Variants in CENPW observed in about 807,000 individuals in gnomAD.
CENPW encodes the protein centromere protein W, also known as cancer-up-regulated gene 2 protein.
A neutral mutation model predicts 11.1 loss-of-function variants in CENPW; 3 were observed. That is an observed-to-expected ratio of 0.27 (90% CI 0.12 to 0.70). CENPW has a LOEUF of 0.70. Among genes scored for constraint, CENPW ranks in the 30% least tolerant of loss-of-function variants. The pLI, the probability that CENPW is intolerant of heterozygous loss-of-function variation, is 0.77. For missense variants in CENPW, 100 were observed against 105.6 expected (o/e 0.95, Z 0.23); for synonymous variants, 38 against 42.0 (o/e 0.91, Z 0.37).
At chr6:126,387,176 GT>G in the CENPW span, among the ~76,000 whole-genome samples, 2 of 151,786 alleles carry the variant, frequency 1.3e-5, no homozygotes, top group East Asian at 3.9e-4. Flanking sequence ...CTGAGAACTT[GT>G]CCTAACTCAT....
the CENPW span, among the ~76,000 whole-genome samples, chr6:126,397,088 C>T: frequency 6.6e-6 from 1 of 151,990 alleles, no homozygotes. Flanking sequence ...TCTCCAAGTC[C>T]ACTTGACTCC....
the CENPW span, among the ~76,000 whole-genome samples, chr6:126,386,722 C>T: frequency 6.6e-6 from 1 of 151,830 alleles, no homozygotes; most frequent in Non-Finnish European, 1.5e-5. Flanking sequence ...CCTCCACTGC[C>T]CTACAAGTTA....
At chr6:126,428,974 A>T in the CENPW span, among the ~76,000 whole-genome samples, 4 of 152,102 alleles carry the variant, frequency 2.6e-5, no homozygotes, top group East Asian at 5.8e-4. Context: ...CATTTTTTTC[A>T]GTTAACACAA....
At chr6:126,344,233 T>C (rs1391901153) in intron 1 of CENPW, among the ~76,000 whole-genome samples, 1 of 152,244 alleles carries the variant, frequency 6.6e-6, no homozygotes, top group Non-Finnish European at 1.5e-5. Flanking sequence ...TATGCAGTGA[T>C]AGAAAGTTCA....
At chr6:126,441,131 G>T in the CENPW span, among the ~76,000 whole-genome samples, 3 of 151,516 alleles carry the variant, frequency 2.0e-5, no homozygotes, top group East Asian at 5.9e-4. Context: ...AGCAGTAGTG[G>T]TTATGTAAAT....
At chr6:126,384,814 C>A in the CENPW span, among the ~76,000 whole-genome samples, 1 of 152,000 alleles carries the variant, frequency 6.6e-6, no homozygotes, top group African/African-American at 2.4e-5. Flanking sequence ...AAGAAACTAT[C>A]AATAGAGTAA....
chr6:126,423,541 T>C, the CENPW span, among the ~76,000 whole-genome samples: 1 of 152,116 alleles, frequency 6.6e-6, no homozygotes, highest in South Asian at 2.1e-4. Context: ...CAAAGTTACC[T>C]TTTGTGTCTT....
chr6:126,415,188 C>T, the CENPW span, among the ~76,000 whole-genome samples: 1 of 151,592 alleles, frequency 6.6e-6, no homozygotes, highest in Admixed American at 6.6e-5. Flanking sequence ...GTTGAGTATT[C>T]ATTATGTTCC....
the CENPW span, among the ~76,000 whole-genome samples, chr6:126,456,949 A>G: frequency 3.3e-5 from 5 of 150,632 alleles, no homozygotes; most frequent in Non-Finnish European, 7.5e-5. Flanking sequence ...AAAACATGCT[A>G]TACACCACTA....
At chr6:126,382,865 G>T in the CENPW span, among the ~76,000 whole-genome samples, 15 of 152,254 alleles carry the variant, frequency 9.9e-5, no homozygotes, top group Middle Eastern at 3.4e-3. Flanking sequence ...ATACATTTCA[G>T]GTTATCATCC....
the CENPW span, among the ~76,000 whole-genome samples, chr6:126,409,786 C>T: frequency 5.9e-5 from 9 of 151,900 alleles, no homozygotes; most frequent in South Asian, 1.9e-3. Context: ...TTTTCACTTT[C>T]AATCTATACA....
At chr6:126,342,048 CTGTCTTGAA>C (rs1321013722) in intron 1 of CENPW, among the ~76,000 whole-genome samples, 3 of 152,204 alleles carry the variant, frequency 2.0e-5, no homozygotes, top group African/African-American at 7.2e-5. Flanking sequence ...TTCGCCTTCA[CTGTCTTGAA>C]TGTGGCATGG....
At chr6:126,387,207 G>T in the CENPW span, among the ~76,000 whole-genome samples, 1 of 151,566 alleles carries the variant, frequency 6.6e-6, no homozygotes, top group Non-Finnish European at 1.5e-5. Flanking sequence ...TATTGTTATT[G>T]TTATTATAAT....
At chr6:126,416,431 A>C in the CENPW span, among the ~76,000 whole-genome samples, 1 of 152,310 alleles carries the variant, frequency 6.6e-6, no homozygotes, top group Admixed American at 6.5e-5. Flanking sequence ...TGGCCGCAGA[A>C]ATTTGCGTAA....
chr6:126,408,609 G>A, the CENPW span, among the ~76,000 whole-genome samples: 3 of 151,994 alleles, frequency 2.0e-5, no homozygotes, highest in African/African-American at 4.8e-5. Flanking sequence ...AACTCAAGAT[G>A]GACTGCAGAT....
chr6:126,354,295 C>A, the CENPW span, among the ~76,000 whole-genome samples: 1 of 152,116 alleles, frequency 6.6e-6, no homozygotes, highest in Non-Finnish European at 1.5e-5. Context: ...CCTCTTTTTA[C>A]CCCTGGCCCT....
At chr6:126,461,558 A>G in the CENPW span, among the ~76,000 whole-genome samples, 1 of 152,004 alleles carries the variant, frequency 6.6e-6, no homozygotes, top group Admixed American at 6.6e-5. Flanking sequence ...ACCATGTGCA[A>G]TTTTCTGAGG....
chr6:126,451,473 C>T, the CENPW span, among the ~76,000 whole-genome samples: 1 of 151,062 alleles, frequency 6.6e-6, no homozygotes, highest in South Asian at 2.1e-4. Flanking sequence ...CTAGTTCCAG[C>T]TCGAGGAAAA....
chr6:126,457,800 C>G, the CENPW span, among the ~76,000 whole-genome samples: 1 of 151,324 alleles, frequency 6.6e-6, no homozygotes, highest in Non-Finnish European at 1.5e-5. Flanking sequence ...ACACAACACT[C>G]TGAAAGGATG....
Sources: gnomAD v4.1 joint callset for allele counts (sites outside exome capture counted in the v4.1 genomes callset) on GRCh38, gnomAD v4.1.1 for gene constraint, MANE v1.5 for transcripts, NCBI Gene and HGNC (gene_info 2026-07-23, HGNC 2026-07-21) for gene names.